Variants in STX18 observed in about 807,000 individuals in gnomAD.
STX18 encodes syntaxin 18, also known as syntaxin-18.
In STX18, 40 loss-of-function variants were observed where a neutral mutation model predicts 50.1. The observed-to-expected ratio is 0.80, with a 90% CI of 0.62 to 1.04. STX18 has a LOEUF of 1.04. STX18 is among the 50% of genes least tolerant of loss of function. The probability of loss-of-function intolerance (pLI) is 0.00; values close to 1 mark genes in which losing one functional copy is unlikely to be tolerated. For missense variants in STX18, 410 were observed against 415.8 expected (o/e 0.99, Z 0.12); for synonymous variants, 158 against 151.8 (o/e 1.04, Z -0.30).
chr4:4,530,036 T>C (rs903088571), intron 1 of STX18, among the ~76,000 whole-genome samples: 5 of 152,112 alleles, frequency 3.3e-5, no homozygotes, highest in Non-Finnish European at 7.4e-5. Context: ...GCACATTTAA[T>C]ATAGAATTAG....
At chr4:4,505,623 T>TA (rs56034157) in intron 1 of STX18, among the ~76,000 whole-genome samples, 31,078 of 134,938 alleles carry the variant, frequency 0.23, 3,372 homozygotes, top group East Asian at 0.35. Flanking sequence ...CTGCTAAAAA[T>TA]AAAAAAAAAA....
rs1015520511 is a variant in STX18 at position 4,520,486 on chromosome 4, T to C, written c.168+21311A>G. On this transcript the variant is annotated intron_variant, in intron 1 of 10. Coordinates refer to ENST00000306200, the MANE Select transcript of STX18 (RefSeq NM_016930.4). Reference sequence around the variant, plus strand: ...AATGCACTTTAAATATTTTTGCTTCTATATCAGACTTAAAGGAATAAGATA... The same window carrying C: ...AATGCACTTTAAATATTTTTGCTTCCATATCAGACTTAAAGGAATAAGATA... Among the ~76,000 whole-genome samples, 10 of 152,342 alleles carry C rather than the reference T, an allele frequency of 6.6e-5. No homozygotes were observed. In the East Asian group the frequency reaches 1.7e-3, roughly 26 times the overall value.
chr4:4,490,521 A>AT (rs1310071725), intron 1 of STX18, among the ~76,000 whole-genome samples: 2 of 152,010 alleles, frequency 1.3e-5, no homozygotes, highest in Non-Finnish European at 2.9e-5. Context: ...TTTCCCTCCT[A>AT]TTTTTTCTCC....
intron 1 of STX18, among the ~76,000 whole-genome samples, chr4:4,512,963 C>A (rs1174576337): frequency 6.6e-6 from 1 of 152,068 alleles, no homozygotes. Context: ...TGTGGGCTGA[C>A]AGAAAACCAA....
At chr4:4,509,636 CAAT>C (rs1729905414) in intron 1 of STX18, among the ~76,000 whole-genome samples, 1 of 151,926 alleles carries the variant, frequency 6.6e-6, no homozygotes, top group Non-Finnish European at 1.5e-5. Context: ...ATATTAAAAT[CAAT>C]AATAAGTGTG....
chr4:4,476,831 A>C (rs1435314843), intron 1 of STX18, among the ~76,000 whole-genome samples: 2 of 152,144 alleles, frequency 1.3e-5, no homozygotes, highest in African/African-American at 2.4e-5. Context: ...AGGTGAGTAC[A>C]TGCTTATATG....
intron 1 of STX18, among the ~76,000 whole-genome samples, chr4:4,502,566 A>G (rs1055679495): frequency 1.3e-5 from 2 of 152,124 alleles, no homozygotes; most frequent in African/African-American, 4.8e-5. Context: ...CCCTGTATTC[A>G]TTATCAGTGA....
chr4:4,424,650 T>C (rs1577309026), intron 8 of STX18, among the ~76,000 whole-genome samples: 1 of 152,178 alleles, frequency 6.6e-6, no homozygotes, highest in East Asian at 1.9e-4. Flanking sequence ...TCCTGGGCCT[T>C]ACTTTCAGCA....
intron 5 of STX18, among the ~76,000 whole-genome samples, chr4:4,455,354 A>G (rs1230971204): frequency 6.6e-6 from 1 of 152,228 alleles, no homozygotes; most frequent in African/African-American, 2.4e-5. Flanking sequence ...TTGCTGACAG[A>G]TAACTTGACT....
In STX18 at chr4:4,419,968, G is replaced by A. The variant is rs1724840223; in HGVS notation, c.*66C>T. The A allele has an allele frequency of 7.5e-7, 1 of 1,338,246 alleles. No individual in the cohort carries two copies. The highest frequency in any genetic ancestry group is 1.0e-6 in the Non-Finnish European group (1 of 952,960). The allele number at this position is 1,338,246 out of a possible 1,614,324, so 82.9% of individuals were successfully genotyped here. On this transcript the variant is annotated 3_prime_UTR_variant, in exon 11 of 11. Transcript: ENST00000306200. ...GTCATACCATGCTCCAGCACTGGAA[G>A]TACATGAAAGCACGCAGTCTGTGAG...
intron 7 of STX18, among the ~76,000 whole-genome samples, 153 bp downstream of exon 7, chr4:4,434,617 T>G (rs1455331965): frequency 2.6e-5 from 4 of 152,108 alleles, no homozygotes; most frequent in African/African-American, 9.7e-5. Flanking sequence ...AATTAGGAAA[T>G]CAAATGGGAA....
chr4:4,476,248 T>C (rs1472233640), intron 1 of STX18: 3 of 151,888 alleles, frequency 2.0e-5, no homozygotes, highest in Non-Finnish European at 2.9e-5. Context: ...GAATAGAGAA[T>C]TCTGTATTTC....
chr4:4,488,203 CAACA>C (rs1728780249), intron 1 of STX18, among the ~76,000 whole-genome samples: 1 of 151,926 alleles, frequency 6.6e-6, no homozygotes, highest in African/African-American at 2.4e-5. Context: ...AAGTTTGTGG[CAACA>C]AACAGGTTCT....
At chr4:4,485,286 G>A (rs1400584417) in intron 1 of STX18, among the ~76,000 whole-genome samples, 3 of 152,222 alleles carry the variant, frequency 2.0e-5, no homozygotes, top group African/African-American at 7.2e-5. Context: ...CACAGTAGGT[G>A]CTCAACTACT....
intron 3 of STX18, among the ~76,000 whole-genome samples, chr4:4,458,088 C>A (rs1357092828): frequency 6.6e-6 from 1 of 152,210 alleles, no homozygotes; most frequent in Non-Finnish European, 1.5e-5. Context: ...ATAGTGACCA[C>A]TGACTGAGAG....
chr4:4,482,049 C>G (rs1728488372), intron 1 of STX18, among the ~76,000 whole-genome samples: 1 of 152,146 alleles, frequency 6.6e-6, no homozygotes, highest in African/African-American at 2.4e-5. Flanking sequence ...CCTTCCTTGT[C>G]CCCTCCTGAA....
At chr4:4,467,238 C>T (rs1727658370) in intron 2 of STX18, among the ~76,000 whole-genome samples, 2 of 152,074 alleles carry the variant, frequency 1.3e-5, no homozygotes, top group South Asian at 2.1e-4. Flanking sequence ...CAAAGGTGGC[C>T]TTGTCCCCAA....
chr4:4,476,870 T>C (rs143146990), intron 1 of STX18, among the ~76,000 whole-genome samples: 46 of 152,108 alleles, frequency 3.0e-4, no homozygotes, highest in African/African-American at 1.0e-3. Context: ...TCCACTTTAG[T>C]ATATATTTGA....
intron 2 of STX18, 117 bp from the exon 3 acceptor site, chr4:4,459,604 A>C: frequency 2.7e-6 from 2 of 735,466 alleles, no homozygotes; most frequent in Non-Finnish European, 2.4e-6. Context: ...CTGAGACTTG[A>C]AGGGTGAGGA....
Sources: allele counts gnomAD v4.1 joint callset (sites outside exome capture counted in the v4.1 genomes callset), GRCh38; gene constraint gnomAD v4.1.1; transcripts MANE v1.5; gene names NCBI Gene and HGNC (gene_info 2026-07-23, HGNC 2026-07-21).